Variants in CAMKK2 observed in about 807,000 individuals in gnomAD.
The protein encoded by CAMKK2 is calcium/calmodulin dependent protein kinase kinase 2, also known as calcium/calmodulin-dependent protein kinase kinase 2.
Under a neutral mutation model 67.2 loss-of-function variants are expected in CAMKK2, and 30 were observed. The observed-to-expected ratio is 0.45, with a 90% CI of 0.33 to 0.61. CAMKK2 has a LOEUF of 0.61. Ranked by LOEUF, CAMKK2 falls within the 20% of genes least tolerant of loss-of-function variation. The pLI is 0.02. For synonymous variants in CAMKK2, 322 were observed against 326.2 expected (o/e 0.99, Z 0.14); for missense variants, 643 against 802.0 (o/e 0.80, Z 2.39).
rs1179797091 is a variant in CAMKK2, at chr12:121,263,229, T to C, written c.759+577A>G. 4.0e-5 allele frequency among the ~76,000 whole-genome samples: 6 copies of C among 150,936 alleles called. No homozygotes were observed. In the East Asian group the frequency reaches 1.2e-3, roughly 29 times the overall value. ...GAGCAGGGGCTGGCAAACTACAGCA[T>C]GTGGGCCAAATTCAGCCCTCTGTCT... On this transcript the variant is annotated intron_variant, in intron 6 of 16. Transcript: ENST00000404169.
At chr12:121,291,749 T>G (rs1455114592) in intron 1 of CAMKK2, among the ~76,000 whole-genome samples, 1 of 151,672 alleles carries the variant, frequency 6.6e-6, no homozygotes, top group Non-Finnish European at 1.5e-5. Flanking sequence ...TGCCACTGAA[T>G]TGTTCACTTT....
intron 6 of CAMKK2, among the ~76,000 whole-genome samples, chr12:121,260,867 C>T (rs887275110): frequency 6.6e-6 from 1 of 151,252 alleles, no homozygotes; most frequent in Non-Finnish European, 1.5e-5. Context: ...GCAGGAGAAT[C>T]GCTTGAACCT....
At chr12:121,255,756 A>G in intron 8 of CAMKK2, 27 bp downstream of exon 8, 1 of 1,612,762 alleles carries the variant, frequency 6.2e-7, no homozygotes, top group East Asian at 2.2e-5. Flanking sequence ...TTCTTGCATC[A>G]CCCCTGCTGG....
At chr12:121,250,111 C>T (rs1053350962) in intron 11 of CAMKK2, 77 bp from the exon 12 acceptor site, 1 of 1,083,800 alleles carries the variant, frequency 9.2e-7, no homozygotes, top group Non-Finnish European at 1.4e-6. Flanking sequence ...TGCTGTGCCA[C>T]TCCACATAGG....
intron 3 of CAMKK2, 93 bp downstream of exon 3, chr12:121,270,805 C>T: frequency 3.0e-6 from 3 of 988,082 alleles, no homozygotes; most frequent in Non-Finnish European, 4.8e-6. Flanking sequence ...TTCAAAGACT[C>T]CTCTCCTGCT....
At chr12:121,256,605 T>C (rs368635505) in intron 7 of CAMKK2, among the ~76,000 whole-genome samples, 3 of 152,286 alleles carry the variant, frequency 2.0e-5, no homozygotes, top group African/African-American at 7.2e-5. Flanking sequence ...CCTGTCTCTA[T>C]AGATTTGCCT....
chr12:121,288,692 G>A (rs1408653483), intron 1 of CAMKK2, among the ~76,000 whole-genome samples: 3 of 152,044 alleles, frequency 2.0e-5, no homozygotes, highest in Admixed American at 2.0e-4. Context: ...CCTAAGCCAC[G>A]TGGGCAGAGG....
chr12:121,241,127 C>G (rs1379558793), intron 16 of CAMKK2, among the ~76,000 whole-genome samples: 2 of 152,198 alleles, frequency 1.3e-5, no homozygotes, highest in African/African-American at 4.8e-5. Flanking sequence ...ACCCGTACAA[C>G]AGTTCCAAAA....
intron 16 of CAMKK2, among the ~76,000 whole-genome samples, chr12:121,242,164 C>G (rs1888500135): frequency 6.6e-6 from 1 of 151,942 alleles, no homozygotes; most frequent in Non-Finnish European, 1.5e-5. Flanking sequence ...AAACCCCCAT[C>G]TCTACTAAAA....
chr12:121,265,539 G>T (rs927873252), intron 5 of CAMKK2, among the ~76,000 whole-genome samples: 11 of 152,162 alleles, frequency 7.2e-5, no homozygotes, highest in Admixed American at 5.2e-4. Context: ...AGGTCACGAG[G>T]ATACAGCTCT....
At chr12:121,250,089 G>A (rs912299827) in intron 11 of CAMKK2, 55 bp from the exon 12 acceptor site, 144 of 1,367,262 alleles carry the variant, frequency 1.1e-4, no homozygotes, top group South Asian at 9.7e-4. Context: ...TCTGCCCTTC[G>A]AGGGCCACCT....
At position 121,256,145 on chromosome 12, in the gene CAMKK2, G is replaced by A. The variant is rs115885632; in HGVS notation, c.797-341C>T. Reference sequence around the variant, plus strand: ...TGTAATCCCAACACTCTGGGAGGCCGAGGTGGGCGAATCACCTGAGGTCAA... The same window carrying A: ...TGTAATCCCAACACTCTGGGAGGCCAAGGTGGGCGAATCACCTGAGGTCAA... On this transcript the variant is annotated intron_variant, in intron 7 of 16. Transcript: ENST00000404169. 3.2e-3 allele frequency among the ~76,000 whole-genome samples: 489 copies of A among 152,326 alleles called. 3 individuals carry two copies. The highest frequency in any genetic ancestry group is 0.011 in the African/African-American group (468 of 41,576).
At chr12:121,272,724 A>T (rs1896011682) in intron 2 of CAMKK2, among the ~76,000 whole-genome samples, 1 of 129,620 alleles carries the variant, frequency 7.7e-6, no homozygotes, top group Admixed American at 7.5e-5. Flanking sequence ...AAAAAAAAAA[A>T]TTAACTGGGC....
chr12:121,244,494 A>G lies in CAMKK2; in HGVS notation c.1596+79T>C. The G allele has an allele frequency of 2.2e-6, 3 of 1,346,414 alleles. No homozygotes were observed. In the South Asian group the frequency reaches 3.9e-5, roughly 17 times the overall value. The allele number at this position is 1,346,414 out of a possible 1,614,324, so 83.4% of individuals were successfully genotyped here. A position where few individuals can be genotyped will look rare whatever the true frequency, so the allele number is the denominator to read the frequency against. The stretch of plus-strand genomic sequence containing the variant: ...GGAAGGAGCATCTGCCCGGGTGGGG[A>G]TGCCCCCGTGCTCTGCAGCTGCCCA... On this transcript the variant is annotated intron_variant, in intron 16 of 16. Transcript: ENST00000404169.
chr12:121,262,380 C>T (rs1172510070), intron 6 of CAMKK2, among the ~76,000 whole-genome samples: 4 of 151,860 alleles, frequency 2.6e-5, no homozygotes, highest in African/African-American at 7.3e-5. Context: ...GGCGTGGTAG[C>T]GGGCACCTGG....
chr12:121,267,784 G>A (rs1177161956), intron 5 of CAMKK2, among the ~76,000 whole-genome samples: 5 of 151,942 alleles, frequency 3.3e-5, no homozygotes, highest in East Asian at 1.9e-4. Flanking sequence ...GTGAGCCACC[G>A]TGCCCGGCCA....
rs771999302 is a variant in CAMKK2, at chr12:121,274,477, T to TG, written c.49dup (p.Gln17ProfsTer3). ...GCTGCCCCTGCCCCCCAGCTCATCCTGGGGGGCGGCCCGGTTGCTGCTGGG... is the reference window on the plus strand; with the variant it reads ...GCTGCCCCTGCCCCCCAGCTCATCCTGGGGGGGCGGCCCGGTTGCTGCTGGG... On this transcript the variant is annotated frameshift_variant, in exon 2 of 17. Coordinates refer to ENST00000404169, the MANE Select transcript of CAMKK2 (RefSeq NM_001270485.2). LOFTEE classifies it high-confidence loss of function. 5 of 1,610,918 alleles carry TG rather than the reference T, an allele frequency of 3.1e-6. No homozygotes were observed. In the South Asian group the frequency reaches 4.4e-5, roughly 14 times the overall value.
rs1298804855 is a variant in CAMKK2 at position 121,240,514 on chromosome 12, G to A, written c.*185C>T. The A allele has an allele frequency of 1.3e-6, 2 of 1,530,664 alleles. No homozygotes were observed. The highest frequency in any genetic ancestry group is 4.9e-5 in the East Asian group (2 of 40,704). 94.8% of individuals were successfully genotyped at this position (1,530,664 alleles called of 1,614,324 possible). ...GCCAGCGGCCACGGTCGACGTCATG[G>A]AGTCAAGTCCTTTTTTTTTTTTTGT... On this transcript the variant is annotated 3_prime_UTR_variant, in exon 17 of 17. Transcript: ENST00000404169. This position sits in a 1 kb window ranked among gnomAD's most constrained non-coding sequence, Gnocchi z 4.4.
intron 5 of CAMKK2, among the ~76,000 whole-genome samples, 200 bp from the exon 6 acceptor site, chr12:121,264,139 C>T (rs1894036173): frequency 6.6e-6 from 1 of 152,138 alleles, no homozygotes; most frequent in Non-Finnish European, 1.5e-5. Context: ...GCGGAGCCCT[C>T]GGCCGTCCTG....
Sources: gnomAD v4.1 joint callset for allele counts (sites outside exome capture counted in the v4.1 genomes callset) on GRCh38, gnomAD v4.1.1 for gene constraint, Gnocchi (gnomAD v3.1) non-coding constraint, MANE v1.5 for transcripts, NCBI Gene and HGNC (gene_info 2026-07-23, HGNC 2026-07-21) for gene names.